EPB41L2: variants seen among roughly 807,000 people sequenced by gnomAD.
The protein encoded by EPB41L2 is erythrocyte membrane protein band 4.1 like 2.
EPB41L2 carries 43 observed loss-of-function variants against 113.0 expected under a neutral mutation model. That is an observed-to-expected ratio of 0.38 (90% CI 0.30 to 0.49). The LOEUF (loss-of-function observed/expected upper bound fraction) is 0.49. Among genes scored for constraint, EPB41L2 ranks in the 20% least tolerant of loss-of-function variants. EPB41L2 has a pLI of 0.95. For missense variants in EPB41L2, 1,147 were observed against 1,223.4 expected (o/e 0.94, Z 0.93); for synonymous variants, 442 against 436.7 (o/e 1.01, Z -0.15).
chr6:131,037,018 T>C (rs1793463000), intron 1 of EPB41L2, among the ~76,000 whole-genome samples: 2 of 152,322 alleles, frequency 1.3e-5, no homozygotes, highest in African/African-American at 2.4e-5. Context: ...GAAGAATCTG[T>C]CTCAAATTCA....
chr6:131,019,917 A>T (rs1789062659), intron 1 of EPB41L2, among the ~76,000 whole-genome samples: 1 of 152,072 alleles, frequency 6.6e-6, no homozygotes, highest in South Asian at 2.1e-4. Context: ...ACAGTGTGGG[A>T]GTTTCTCCTC....
At chr6:130,893,707 G>A (rs1793693259) in intron 10 of EPB41L2, among the ~76,000 whole-genome samples, 2 of 152,182 alleles carry the variant, frequency 1.3e-5, no homozygotes, top group Admixed American at 1.3e-4. Flanking sequence ...GTCCAAAACT[G>A]GTGAGGTCAG....
At chr6:130,848,186 C>CTG (rs776297839) in intron 19 of EPB41L2, among the ~76,000 whole-genome samples, 28,975 of 112,858 alleles carry the variant, frequency 0.26, 3,208 homozygotes, top group East Asian at 0.43. Context: ...CTCTCTGTCT[C>CTG]TCTCTCTCTC....
intron 17 of EPB41L2, among the ~76,000 whole-genome samples, chr6:130,864,196 G>T (rs1175226214): frequency 6.6e-6 from 1 of 152,214 alleles, no homozygotes; most frequent in Non-Finnish European, 1.5e-5. Flanking sequence ...GAAACTGTTT[G>T]ATGTGATATA....
intron 1 of EPB41L2, among the ~76,000 whole-genome samples, chr6:131,054,836 T>C (rs1797305517): frequency 6.6e-6 from 1 of 152,240 alleles, no homozygotes; most frequent in African/African-American, 2.4e-5. Context: ...GCCCTTCATA[T>C]TTATTGGGTA....
intron 1 of EPB41L2, among the ~76,000 whole-genome samples, chr6:130,992,941 T>A (rs2128698473): frequency 6.6e-6 from 1 of 152,262 alleles, no homozygotes; most frequent in African/African-American, 2.4e-5. Context: ...CAATTCTTAG[T>A]ATCAGTCTGT....
At chr6:130,974,647 A>T (rs1351464191) in intron 1 of EPB41L2, among the ~76,000 whole-genome samples, 1 of 151,678 alleles carries the variant, frequency 6.6e-6, no homozygotes, top group Non-Finnish European at 1.5e-5. Context: ...GCCAAAATTC[A>T]CATCAATTTG....
intron 1 of EPB41L2, among the ~76,000 whole-genome samples, chr6:131,034,311 G>C (rs1287684363): frequency 6.6e-6 from 1 of 152,114 alleles, no homozygotes; most frequent in Admixed American, 6.5e-5. Flanking sequence ...TAAAAGTTTA[G>C]AAATGACAAA....
chr6:130,894,067 AG>A (rs1209048938), intron 10 of EPB41L2, among the ~76,000 whole-genome samples: 1 of 152,146 alleles, frequency 6.6e-6, no homozygotes, highest in East Asian at 1.9e-4. Flanking sequence ...AAAGGAGATG[AG>A]GCAAGGAGGG....
chr6:130,923,522 C>T (rs897015461), intron 4 of EPB41L2, among the ~76,000 whole-genome samples: 2 of 152,178 alleles, frequency 1.3e-5, no homozygotes, highest in African/African-American at 4.8e-5. Flanking sequence ...ACAGCTGCTC[C>T]AGTCTCAGGG....
intron 12 of EPB41L2, among the ~76,000 whole-genome samples, chr6:130,884,076 T>C (rs1185089251): frequency 1.3e-5 from 2 of 152,228 alleles, no homozygotes; most frequent in African/African-American, 2.4e-5. Flanking sequence ...GGCTCATACC[T>C]GTAATCCCAG....
In EPB41L2 at chr6:131,048,668, G is replaced by A. The variant is rs573423616; in HGVS notation, c.-15+14487C>T. On this transcript the variant is annotated intron_variant, in intron 1 of 19. Transcript: ENST00000337057. ...AGGGAAATACAGATGAAACAAGACT[G>A]GTCATGTGACTGGTAACTGTTGAAG... 3.4e-3 allele frequency among the ~76,000 whole-genome samples: 516 copies of A among 152,262 alleles called. 5 individuals are homozygous for A. Among genetic ancestry groups the A allele is most frequent in the African/African-American group, 0.012 (495 of 41,546 alleles).
At chr6:131,049,660 T>G (rs1267680256) in intron 1 of EPB41L2, among the ~76,000 whole-genome samples, 1 of 152,250 alleles carries the variant, frequency 6.6e-6, no homozygotes, top group Non-Finnish European at 1.5e-5. Context: ...ACTGCCACAT[T>G]TGCTTTTCAA....
intron 17 of EPB41L2, among the ~76,000 whole-genome samples, chr6:130,865,013 T>C (rs1460810292): frequency 6.6e-6 from 1 of 152,188 alleles, no homozygotes; most frequent in African/African-American, 2.4e-5. Context: ...CTTCTAACAA[T>C]GCCCCGGGTG....
At chr6:131,018,047 G>T (rs1256604089) in intron 1 of EPB41L2, among the ~76,000 whole-genome samples, 1 of 152,030 alleles carries the variant, frequency 6.6e-6, no homozygotes, top group Non-Finnish European at 1.5e-5. Flanking sequence ...TTTTCAACAG[G>T]ATTGCCACTT....
At chr6:130,914,567 A>G (rs1045044975) in intron 4 of EPB41L2, among the ~76,000 whole-genome samples, 6 of 152,174 alleles carry the variant, frequency 3.9e-5, no homozygotes, top group Non-Finnish European at 8.8e-5. Context: ...CTCTTTGTCC[A>G]TGGACAACTG....
chr6:130,962,648 T>G lies in EPB41L2; in HGVS notation c.-14-6149A>C, dbSNP rs80317026. Among the ~76,000 whole-genome samples, 614 of 152,208 alleles carry G rather than the reference T, an allele frequency of 4.0e-3. 3 individuals carry two copies. The highest frequency in any genetic ancestry group is 0.014 in the African/African-American group (598 of 41,520). On this transcript the variant is annotated intron_variant, in intron 1 of 19. Transcript: ENST00000337057. ...TATAAAGATGTAAACTAATATCCGG[T>G]TTAAATTAAACCCACACATACAAAA...
intron 3 of EPB41L2, among the ~76,000 whole-genome samples, chr6:130,947,078 T>C (rs1813167355): frequency 7.3e-6 from 1 of 137,562 alleles, no homozygotes; most frequent in African/African-American, 2.8e-5. Context: ...TTCCAAAATC[T>C]AAACAGCGCC....
intron 19 of EPB41L2, among the ~76,000 whole-genome samples, chr6:130,842,491 A>C (rs954469780): frequency 6.6e-6 from 1 of 152,110 alleles, no homozygotes; most frequent in East Asian, 1.9e-4. Flanking sequence ...TTTAGTAAAT[A>C]TGCATCATTT....
Sources: gnomAD v4.1 joint callset for allele counts (sites outside exome capture counted in the v4.1 genomes callset) on GRCh38, gnomAD v4.1.1 for gene constraint, MANE v1.5 for transcripts, NCBI Gene and HGNC (gene_info 2026-07-23, HGNC 2026-07-21) for gene names.